The following NOP56 variants were observed in gnomAD, a reference collection of about 807,000 sequenced individuals.
NOP56 encodes nucleolar protein 56.
A neutral mutation model predicts 58.3 loss-of-function variants in NOP56; 31 were observed. The ratio of observed to expected loss-of-function variants is 0.53; its 90% confidence interval spans 0.40 to 0.72. NOP56 has a LOEUF of 0.72. NOP56 is among the 30% of genes least tolerant of loss of function. The pLI is 0.00. For missense variants in NOP56, 669 were observed against 739.9 expected, an observed-to-expected ratio of 0.90 and a Z score of 1.11; for synonymous variants, 313 against 282.8, an observed-to-expected ratio of 1.11 and a Z score of -1.07.
chr20:2,657,887 G>A (rs1223611702), intron 11 of NOP56, 42 bp from the exon 12 acceptor site: 1 of 1,532,738 alleles, frequency 6.5e-7, no homozygotes. Context: ...AAGATGTAAT[G>A]AGCACTGTTC....
Position 2,653,259 on chromosome 20 carries a change from T to TA in NOP56, c.94-19dup, listed in dbSNP as rs1049432305. 4.4e-6 allele frequency: 7 copies of TA among 1,591,266 alleles called. No homozygotes were observed. The highest frequency in any genetic ancestry group is 4.3e-6 in the Non-Finnish European group (5 of 1,159,322). ...GCAGGAGGGAGGGAAGGAAACCACT[T>TA]AGCCTCTTTCTCCCCCCAGGTGGAG... On this transcript the variant is annotated intron_variant, in intron 2 of 11. Transcript: ENST00000329276.
chr20:2,652,803 G>C, intron 1 of NOP56, 39 bp from the exon 2 acceptor site: 1 of 1,586,538 alleles, frequency 6.3e-7, no homozygotes, highest in Non-Finnish European at 8.6e-7. Context: ...GGCAGACGCT[G>C]AGGTTGCGTT....
intron 5 of NOP56, 166 bp downstream of exon 5, chr20:2,655,113 A>G: frequency 1.9e-6 from 2 of 1,065,514 alleles, no homozygotes; most frequent in South Asian, 2.5e-5. Context: ...CTGACTGTAT[A>G]GAAAGAGGAG....
intron 1 of NOP56, 52 bp downstream of exon 1, chr20:2,652,715 G>A (rs1452892455): frequency 6.8e-7 from 1 of 1,468,494 alleles, no homozygotes; most frequent in Non-Finnish European, 9.0e-7. Flanking sequence ...GTTTCGGCCT[G>A]CGTTCGGGCC....
Position 2,653,947 on chromosome 20 carries a change from C to T in NOP56, c.209-467C>T, listed in dbSNP as rs1471263398. The T allele has an allele frequency of 1.5e-5, 5 of 338,368 alleles. No homozygotes were observed. The Admixed American group carries it at 1.9e-4, about 13-fold the overall frequency. The allele number at this position is 338,368 out of a possible 1,614,324, so 21.0% of individuals were successfully genotyped here. The stretch of plus-strand genomic sequence containing the variant: ...AGGTTGCAGGCGCGAGCGACGGTGC[C>T]CGGCCGACAAAGGGGGGTTTCTTAA... On this transcript the variant is annotated intron_variant, in intron 3 of 11. Transcript: ENST00000329276.
chr20:2,654,702 A>C, intron 4 of NOP56, 47 bp from the exon 5 acceptor site: 3 of 1,610,140 alleles, frequency 1.9e-6, no homozygotes, highest in Non-Finnish European at 2.5e-6. Flanking sequence ...TGGGTGCGGG[A>C]GCTAGCTCAG....
Position 2,656,725 on chromosome 20 carries a change from G to A in NOP56, c.1160-49G>A, listed in dbSNP as rs370364219. On this transcript the variant is annotated intron_variant, in intron 9 of 11. Transcript: ENST00000329276. ...AGGGTAGAGGGAACACAGGGTTGGGGTAGTTTCTCTCTTTGGGCTGACAGG... is the reference window on the plus strand; with the variant it reads ...AGGGTAGAGGGAACACAGGGTTGGGATAGTTTCTCTCTTTGGGCTGACAGG... 72 of 1,614,078 alleles carry A rather than the reference G, an allele frequency of 4.5e-5. 1 individual carries two copies. In the African/African-American group the frequency reaches 8.5e-4, roughly 19 times the overall value.
Position 2,658,085 on chromosome 20 carries a change from G to C in NOP56, c.1576G>C (p.Ala526Pro). The C allele has an allele frequency of 6.2e-7, 1 of 1,614,064 alleles. No homozygotes were observed. The highest frequency in any genetic ancestry group is 8.5e-7 in the Non-Finnish European group (1 of 1,179,974). ...ELMSSDLEET[A>P]GSTSIPKRKK... ...GATGAGTAGCGATCTTGAAGAGACC[G>C]CTGGCAGCACCAGTATTCCCAAGAG... Residue 526 changes from alanine to proline, a missense_variant, in exon 12 of 12, where the codon GCT becomes CCT. Coordinates refer to ENST00000329276, the MANE Select transcript of NOP56 (RefSeq NM_006392.4).
intron 2 of NOP56, 84 bp downstream of exon 2, chr20:2,653,015 G>A: frequency 7.8e-7 from 1 of 1,288,936 alleles, no homozygotes; most frequent in Non-Finnish European, 1.1e-6. Flanking sequence ...CTCCCACGTG[G>A]CCGGCCGAGC....
intron 2 of NOP56, 123 bp from the exon 3 acceptor site, chr20:2,653,156 C>T: frequency 1.0e-5 from 9 of 869,576 alleles, no homozygotes; most frequent in Non-Finnish European, 1.7e-5. Context: ...AAAGCAGAAG[C>T]TGGGATGTGG....
chr20:2,656,043 G>A lies in NOP56; in HGVS notation c.1010+9G>A. 1.2e-6 allele frequency: 2 copies of A among 1,614,122 alleles called. No homozygotes were observed. Among genetic ancestry groups the A allele is most frequent in the Non-Finnish European group, 1.7e-6 (2 of 1,180,036 alleles). Reference sequence around the variant, plus strand: ...GAAAAGGCCCTGTTCAGGTACCAGTGAGGGCACCTGCCCACAATCAGGTGC... The same window carrying A: ...GAAAAGGCCCTGTTCAGGTACCAGTAAGGGCACCTGCCCACAATCAGGTGC... On this transcript the variant is annotated intron_variant, in intron 8 of 11. Transcript: ENST00000329276.
At position 2,654,408 on chromosome 20, in the gene NOP56, CCT is replaced by C. The variant is rs761876418; in HGVS notation, c.209-5_209-4del. On this transcript the variant is annotated splice_region_variant and splice_polypyrimidine_tract_variant and intron_variant, in intron 3 of 11. Coordinates refer to ENST00000329276, the MANE Select transcript of NOP56 (RefSeq NM_006392.4). ...TGTTAGTGGGAACTGTGTTCTTTCC[CCT>C]GAGGGGTTGTTCATGAGGACCTCCG... The C allele has an allele frequency of 6.2e-7, 1 of 1,613,986 alleles. No individual in the cohort carries two copies. The highest frequency in any genetic ancestry group is 1.1e-5 in the South Asian group (1 of 91,068).
intron 5 of NOP56, 80 bp from the exon 6 acceptor site, chr20:2,655,245 A>T: frequency 6.7e-7 from 1 of 1,486,586 alleles, no homozygotes; most frequent in Non-Finnish European, 9.4e-7. Context: ...CAGGCAGAGT[A>T]GGTGTGGAGA....
At chr20:2,657,043 G>A in intron 10 of NOP56, 38 bp from the exon 11 acceptor site, 1 of 1,614,126 alleles carries the variant, frequency 6.2e-7, no homozygotes, top group Non-Finnish European at 8.5e-7. Flanking sequence ...CAGAGCACCA[G>A]AAGTCTTCAG....
intron 4 of NOP56, 39 bp downstream of exon 4, chr20:2,654,614 A>G (rs2086793718): frequency 1.9e-6 from 3 of 1,610,150 alleles, no homozygotes; most frequent in African/African-American, 1.3e-5. Flanking sequence ...TATCCTGGAC[A>G]TTTTGGGGGA....
intron 5 of NOP56, 163 bp from the exon 6 acceptor site, chr20:2,655,162 C>T (rs1373855081): frequency 9.2e-7 from 1 of 1,081,082 alleles, no homozygotes; most frequent in Non-Finnish European, 1.4e-6. Flanking sequence ...CAGCTCAGGC[C>T]CTGTGCCTGG....
chr20:2,656,407 G>A lies in NOP56; in HGVS notation c.1017G>A (p.Leu339=), dbSNP rs1254105448. 1 of 1,614,024 alleles carries A rather than the reference G, an allele frequency of 6.2e-7. No homozygotes were observed. Among genetic ancestry groups the A allele is most frequent in the Non-Finnish European group, 8.5e-7 (1 of 1,180,024 alleles). The change falls in exon 9 of 12, where the codon CTG becomes CTA. Residue 339 remains leucine, a synonymous_variant. Transcript: ENST00000329276. ...CCACTGAATATTCTCTCAGAGCCCT[G>A]AAGACAAGGGGTAACACTCCAAAAT... ...LGAEKALFRA[L]KTRGNTPKYG...
Position 2,652,964 on chromosome 20 carries a change from C to T in NOP56, c.93+33C>T, listed in dbSNP as rs370519676. The T allele has an allele frequency of 3.7e-5, 57 of 1,540,206 alleles. No homozygotes were observed. The African/African-American group carries it at 7.7e-4, about 21-fold the overall frequency. On this transcript the variant is annotated intron_variant, in intron 2 of 11. Coordinates refer to ENST00000329276, the MANE Select transcript of NOP56 (RefSeq NM_006392.4). ...AGATCCGTGGGCTCCTTTGGCGGCC[C>T]CGCAGACCCTCATCGCGCGGGTCCC...
chr20:2,656,601 G>A (rs373058070), intron 9 of NOP56, 52 bp downstream of exon 9: 1 of 1,610,032 alleles, frequency 6.2e-7, no homozygotes, highest in Non-Finnish European at 8.5e-7. Flanking sequence ...GTGGCTGGGT[G>A]GGGAGGCTTG....
Sources: gnomAD v4.1 joint callset for allele counts on GRCh38, gnomAD v4.1.1 for gene constraint, MANE v1.5 for transcripts, NCBI Gene and HGNC (gene_info 2026-07-23, HGNC 2026-07-21) for gene names.